NXPE2: variants seen among roughly 807,000 people sequenced by gnomAD.
The protein encoded by NXPE2 is NXPE family member 2.
Under a neutral mutation model 34.4 loss-of-function variants are expected in NXPE2, and 34 were observed. That is an observed-to-expected ratio of 0.99 (90% CI 0.75 to 1.31). NXPE2 has a LOEUF of 1.31. Ranked by LOEUF, NXPE2 falls within the 40% of genes most tolerant of loss-of-function variation. NXPE2 has a pLI of 0.00. For synonymous variants in NXPE2, 235 were observed against 231.3 expected (o/e 1.02, Z -0.15); for missense variants, 649 against 672.5 (o/e 0.97, Z 0.39).
At chr11:114,488,293 T>A in the NXPE2 span, among the ~76,000 whole-genome samples, 1 of 152,208 alleles carries the variant, frequency 6.6e-6, no homozygotes, top group South Asian at 2.1e-4. Context: ...TGGCATGTGG[T>A]TGCTCATAGT....
At chr11:114,739,490 T>A in the NXPE2 span, among the ~76,000 whole-genome samples, 1 of 151,708 alleles carries the variant, frequency 6.6e-6, no homozygotes, top group Non-Finnish European at 1.5e-5. Flanking sequence ...CTAATAAAAT[T>A]TGTATATATT....
the NXPE2 span, chr11:114,582,805 G>A: frequency 3.1e-6 from 5 of 1,614,042 alleles, no homozygotes; most frequent in African/African-American, 4.0e-5. Flanking sequence ...CGAGGGTTGA[G>A]GATGGTGGCT....
the NXPE2 span, among the ~76,000 whole-genome samples, chr11:114,807,288 G>A: frequency 4.6e-5 from 7 of 152,166 alleles, no homozygotes; most frequent in South Asian, 4.2e-4. Flanking sequence ...ATCAACTAAC[G>A]AGCAAAATAA....
the NXPE2 span, among the ~76,000 whole-genome samples, chr11:114,577,253 C>A: frequency 1.1e-4 from 17 of 150,396 alleles, no homozygotes; most frequent in African/African-American, 3.9e-4. Context: ...TGTGCAGCAA[C>A]CTGGATGGAA....
At chr11:114,610,446 C>T in the NXPE2 span, among the ~76,000 whole-genome samples, 8 of 151,926 alleles carry the variant, frequency 5.3e-5, no homozygotes, top group Non-Finnish European at 1.0e-4. Flanking sequence ...CACTGTTTCC[C>T]GGTGGATAAT....
chr11:114,610,429 G>A, the NXPE2 span, among the ~76,000 whole-genome samples: 7 of 151,828 alleles, frequency 4.6e-5, no homozygotes, highest in East Asian at 5.9e-4. Flanking sequence ...ATTGCCTCTC[G>A]GGTAACCACT....
the NXPE2 span, among the ~76,000 whole-genome samples, chr11:114,625,298 T>C: frequency 6.6e-6 from 1 of 152,154 alleles, no homozygotes; most frequent in Non-Finnish European, 1.5e-5. Flanking sequence ...TAACCACAGT[T>C]ACCCAGTGGA....
the NXPE2 span, among the ~76,000 whole-genome samples, chr11:114,722,192 C>T: frequency 6.6e-6 from 1 of 152,102 alleles, no homozygotes; most frequent in Non-Finnish European, 1.5e-5. Flanking sequence ...AGGGAGGGAC[C>T]TGATGGGAGG....
upstream of NXPE2, among the ~76,000 whole-genome samples, chr11:114,677,846 G>A (rs375506226): frequency 7.2e-5 from 11 of 151,978 alleles, no homozygotes; most frequent in Non-Finnish European, 1.3e-4. Context: ...AGTGTGGCCC[G>A]TGTGTTATGG....
chr11:114,695,338 T>C (rs1012373413), intron 2 of NXPE2, among the ~76,000 whole-genome samples: 1 of 152,182 alleles, frequency 6.6e-6, no homozygotes, highest in Admixed American at 6.5e-5. Context: ...TCCCAGTATT[T>C]TAGTGAGCTT....
chr11:114,571,089 T>A, the NXPE2 span: 20 of 1,613,890 alleles, frequency 1.2e-5, no homozygotes, highest in African/African-American at 2.0e-4. Context: ...GATGAGATAT[T>A]GAATGTAACC....
At chr11:114,542,937 A>G in the NXPE2 span, among the ~76,000 whole-genome samples, 1 of 152,212 alleles carries the variant, frequency 6.6e-6, no homozygotes, top group Non-Finnish European at 1.5e-5. Flanking sequence ...CAATAAATAT[A>G]AATTAGCTTA....
At chr11:114,618,075 C>A in the NXPE2 span, among the ~76,000 whole-genome samples, 2 of 151,848 alleles carry the variant, frequency 1.3e-5, no homozygotes, top group African/African-American at 4.8e-5. Context: ...AGTGTTGCCT[C>A]ATGGGTAACC....
chr11:114,700,265 T>G (rs577693017), intron 3 of NXPE2, among the ~76,000 whole-genome samples: 152 of 152,330 alleles, frequency 1.0e-3, no homozygotes, highest in Admixed American at 1.0e-3. Context: ...AAGGGTGAAA[T>G]TTAAACTCTT....
chr11:114,791,461 G>A, the NXPE2 span, among the ~76,000 whole-genome samples: 11 of 152,290 alleles, frequency 7.2e-5, no homozygotes, highest in East Asian at 1.9e-4. Context: ...CACAGGGTGC[G>A]TACAGAGATC....
the NXPE2 span, among the ~76,000 whole-genome samples, chr11:114,615,019 T>G: frequency 6.6e-6 from 1 of 151,810 alleles, no homozygotes. Flanking sequence ...TGTTTCCTCG[T>G]GGGTAACCAG....
the NXPE2 span, chr11:114,571,008 G>A: frequency 5.6e-6 from 9 of 1,612,970 alleles, no homozygotes; most frequent in Non-Finnish European, 7.6e-6. Flanking sequence ...TACATTATTT[G>A]TGCCATATGC....
chr11:114,810,148 C>G, the NXPE2 span, among the ~76,000 whole-genome samples: 4 of 144,154 alleles, frequency 2.8e-5, no homozygotes, highest in Non-Finnish European at 6.1e-5. Flanking sequence ...ATGTAGAAAG[C>G]TGAAACTGGA....
At chr11:114,627,956 A>C in the NXPE2 span, among the ~76,000 whole-genome samples, 1 of 152,096 alleles carries the variant, frequency 6.6e-6, no homozygotes, top group African/African-American at 2.4e-5. Context: ...GATCAACTCA[A>C]CAAGAAGAGC....
Sources: allele counts gnomAD v4.1 joint callset (sites outside exome capture counted in the v4.1 genomes callset), GRCh38; gene constraint gnomAD v4.1.1; transcripts MANE v1.5; gene names NCBI Gene and HGNC (gene_info 2026-07-23, HGNC 2026-07-21).